The following TAFA1 variants were observed in gnomAD, a reference collection of about 807,000 sequenced individuals.
TAFA1 encodes chemokine-like protein TAFA-1.
A neutral mutation model predicts 18.5 loss-of-function variants in TAFA1; 4 were observed. The observed-to-expected ratio is 0.22, with a 90% confidence interval of 0.11 to 0.49. The LOEUF (loss-of-function observed/expected upper bound fraction) is 0.49, where lower values mean the gene tolerates loss of function less well. TAFA1 is among the 20% of genes least tolerant of loss of function. The pLI is 0.98. For synonymous variants in TAFA1, 56 were observed against 55.2 expected, an observed-to-expected ratio of 1.01 and a Z score of -0.06; for missense variants, 147 against 169.0, an observed-to-expected ratio of 0.87 and a Z score of 0.72.
intron 2 of TAFA1, among the ~76,000 whole-genome samples, chr3:68,069,795 T>G (rs1042847586): frequency 1.3e-5 from 2 of 152,204 alleles, no homozygotes; most frequent in African/African-American, 4.8e-5. Context: ...ACAGGCCCCA[T>G]GTAAGTCCAA....
intron 2 of TAFA1, among the ~76,000 whole-genome samples, chr3:68,171,550 C>CA (rs71112620): frequency 1.3e-5 from 2 of 151,846 alleles, no homozygotes; most frequent in African/African-American, 4.8e-5. Context: ...AGTCCACTAC[C>CA]AAAAAAGAAA....
At chr3:68,460,512 A>G (rs1435588103) in intron 3 of TAFA1, among the ~76,000 whole-genome samples, 2 of 152,168 alleles carry the variant, frequency 1.3e-5, no homozygotes, top group Non-Finnish European at 2.9e-5. Flanking sequence ...ATCCTAATAA[A>G]ATCAATTGAA....
chr3:68,353,531 G>A (rs2069308661), intron 2 of TAFA1, among the ~76,000 whole-genome samples: 1 of 151,940 alleles, frequency 6.6e-6, no homozygotes, highest in South Asian at 2.1e-4. Flanking sequence ...CTAGGTTTGT[G>A]GACAAGTATA....
intron 2 of TAFA1, among the ~76,000 whole-genome samples, chr3:68,083,620 A>T (rs1425540957): frequency 6.6e-6 from 1 of 152,158 alleles, no homozygotes; most frequent in African/African-American, 2.4e-5. Flanking sequence ...TTCTGACACT[A>T]TTGTGGCTCA....
At chr3:67,992,879 C>T in the TAFA1 span, among the ~76,000 whole-genome samples, 4 of 152,308 alleles carry the variant, frequency 2.6e-5, no homozygotes, top group South Asian at 2.1e-4. Flanking sequence ...AGTAAATCCC[C>T]TCCTCCCCTG....
intron 2 of TAFA1, among the ~76,000 whole-genome samples, chr3:68,079,063 T>C (rs1300620165): frequency 6.6e-6 from 1 of 152,244 alleles, no homozygotes; most frequent in Non-Finnish European, 1.5e-5. Flanking sequence ...TCCAGGAATT[T>C]ATCCACTTCT....
chr3:68,501,043 T>A (rs891407689), intron 3 of TAFA1, among the ~76,000 whole-genome samples: 2 of 150,728 alleles, frequency 1.3e-5, no homozygotes, highest in Admixed American at 6.7e-5. Flanking sequence ...TAGTCCCAGC[T>A]ACTCGGGAGG....
chr3:68,480,236 C>CAA (rs35040879), intron 3 of TAFA1, among the ~76,000 whole-genome samples: 2,397 of 126,996 alleles, frequency 0.019, 35 homozygotes, highest in Non-Finnish European at 0.021. Flanking sequence ...ACTAAAAATA[C>CAA]AAAAAAAAAA....
intron 2 of TAFA1, among the ~76,000 whole-genome samples, chr3:68,338,988 CAAG>C (rs1349745418): frequency 6.6e-6 from 1 of 152,154 alleles, no homozygotes; most frequent in African/African-American, 2.4e-5. Flanking sequence ...TGGTCAATAA[CAAG>C]AAGACAAGAG....
chr3:68,194,434 C>G (rs2066386670), intron 2 of TAFA1, among the ~76,000 whole-genome samples: 1 of 151,634 alleles, frequency 6.6e-6, no homozygotes, highest in South Asian at 2.1e-4. Context: ...TGAGACTAAC[C>G]AGACAATTTT....
intron 2 of TAFA1, among the ~76,000 whole-genome samples, chr3:68,368,999 A>G (rs768799091): frequency 3.3e-5 from 5 of 152,264 alleles, no homozygotes; most frequent in Non-Finnish European, 5.9e-5. Flanking sequence ...AATATATCAA[A>G]AATATATGTA....
At chr3:68,260,674 A>G (rs2067399188) in intron 2 of TAFA1, among the ~76,000 whole-genome samples, 1 of 152,158 alleles carries the variant, frequency 6.6e-6, no homozygotes, top group African/African-American at 2.4e-5. Context: ...TAGGGAAAGG[A>G]TTCCCTATTT....
chr3:68,207,929 T>C (rs2066546468), intron 2 of TAFA1, among the ~76,000 whole-genome samples: 2 of 151,964 alleles, frequency 1.3e-5, no homozygotes, highest in South Asian at 2.1e-4. Flanking sequence ...AGTCTCATTC[T>C]ATAATTTTGG....
At chr3:68,325,827 C>G (rs2068768051) in intron 2 of TAFA1, among the ~76,000 whole-genome samples, 1 of 151,930 alleles carries the variant, frequency 6.6e-6, no homozygotes, top group South Asian at 2.1e-4. Flanking sequence ...CTCTTCTAAG[C>G]CCCCTTTTTA....
chr3:68,052,383 A>G (rs2064481656), intron 2 of TAFA1, among the ~76,000 whole-genome samples: 1 of 152,132 alleles, frequency 6.6e-6, no homozygotes, highest in South Asian at 2.1e-4. Context: ...AGATATCCCC[A>G]GGTTCCTGTG....
rs2073317135 is a variant in TAFA1 at position 68,538,748 on chromosome 3, C to T, written c.260-8C>T. 2 of 1,612,922 alleles carry T rather than the reference C, an allele frequency of 1.2e-6. No individual in the cohort carries two copies. Among genetic ancestry groups the T allele is most frequent in the Non-Finnish European group, 1.7e-6 (2 of 1,179,454 alleles). The stretch of plus-strand genomic sequence containing the variant: ...TTGCAAACACAGTTGTTTCCTGTTT[C>T]TGCACAGCCTCCATAGTGATTGGGA... On this transcript the variant is annotated splice_region_variant and splice_polypyrimidine_tract_variant and intron_variant, in intron 3 of 4. Coordinates refer to ENST00000478136, the MANE Select transcript of TAFA1 (RefSeq NM_213609.4).
chr3:68,038,559 G>A (rs1377887507), intron 2 of TAFA1, among the ~76,000 whole-genome samples: 2 of 152,138 alleles, frequency 1.3e-5, no homozygotes, highest in Non-Finnish European at 2.9e-5. Flanking sequence ...TGAATGTCAA[G>A]TGGATGTATA....
chr3:68,449,208 T>A (rs1231740011), intron 3 of TAFA1, among the ~76,000 whole-genome samples: 1 of 151,838 alleles, frequency 6.6e-6, no homozygotes, highest in African/African-American at 2.4e-5. Flanking sequence ...GCCTTGAGGG[T>A]TGAGTAGGAA....
rs535338051 is a variant in TAFA1, at chr3:68,033,401, A to G, written c.118+26657A>G. ...TCTTTATATCCTTTAGGAGCATTGG[A>G]TTATAAAGGTTGTACTTTTTAGTTT... On this transcript the variant is annotated intron_variant, in intron 2 of 4. Coordinates refer to ENST00000478136, the MANE Select transcript of TAFA1 (RefSeq NM_213609.4). Among the ~76,000 whole-genome samples the G allele has an allele frequency of 9.2e-5, 14 of 152,326 alleles. No homozygotes were observed. The South Asian group carries it at 2.7e-3, about 29-fold the overall frequency.
Sources: allele counts gnomAD v4.1 joint callset (sites outside exome capture counted in the v4.1 genomes callset), GRCh38; gene constraint gnomAD v4.1.1; transcripts MANE v1.5; gene names NCBI Gene and HGNC (gene_info 2026-07-23, HGNC 2026-07-21).